Variants in WNK1 observed in about 807,000 individuals in gnomAD.
WNK1 encodes the protein serine/threonine-protein kinase WNK1.
WNK1 carries 38 observed loss-of-function variants against 222.8 expected under a neutral mutation model. The ratio of observed to expected loss-of-function variants is 0.17; its 90% CI spans 0.13 to 0.22. WNK1 has a LOEUF of 0.22. WNK1 is among the 10% of genes least tolerant of loss of function. The pLI is 1.00. For missense variants in WNK1, 2,348 were observed against 2,918.4 expected (o/e 0.80, Z 4.50); for synonymous variants, 1,090 against 1,092.9 (o/e 1.00, Z 0.05).
At chr12:810,796 T>A (rs1406090093) in intron 1 of WNK1, among the ~76,000 whole-genome samples, 3 of 152,172 alleles carry the variant, frequency 2.0e-5, no homozygotes, top group Non-Finnish European at 4.4e-5. Context: ...CAGAAGAAAT[T>A]ACATCAGTGG....
chr12:755,744 A>G (rs1172672575), intron 1 of WNK1, among the ~76,000 whole-genome samples: 5 of 152,216 alleles, frequency 3.3e-5, no homozygotes, highest in African/African-American at 9.6e-5. Context: ...TGGGAGGCCA[A>G]GGCGGGTGGA....
At chr12:907,346 T>C (rs1292091598) in intron 26 of WNK1, among the ~76,000 whole-genome samples, 1 of 147,780 alleles carries the variant, frequency 6.8e-6, no homozygotes, top group Non-Finnish European at 1.5e-5. Context: ...GGCTAAAGAA[T>C]GTGGCAGTGT....
At chr12:785,554 C>T (rs998940801) in intron 1 of WNK1, among the ~76,000 whole-genome samples, 3 of 152,030 alleles carry the variant, frequency 2.0e-5, no homozygotes, top group East Asian at 1.9e-4. Context: ...CCCGCCACCA[C>T]GCCCAGCTAA....
At chr12:804,417 T>G (rs1209105832) in intron 1 of WNK1, among the ~76,000 whole-genome samples, 1 of 133,730 alleles carries the variant, frequency 7.5e-6, no homozygotes, top group East Asian at 2.0e-4. Flanking sequence ...AAACTGAAAG[T>G]TTTTTTTTTT....
At chr12:816,710 C>T (rs1357774013) in intron 2 of WNK1, among the ~76,000 whole-genome samples, 1 of 152,104 alleles carries the variant, frequency 6.6e-6, no homozygotes, top group Non-Finnish European at 1.5e-5. Flanking sequence ...GGAAAGAAAA[C>T]TCCCGGGGAC....
At chr12:904,303 C>T (rs1955518194) in intron 26 of WNK1, 1 of 457,708 alleles carries the variant, frequency 2.2e-6, no homozygotes, top group Non-Finnish European at 4.0e-6. Flanking sequence ...TTCTGTAGAA[C>T]TATATCTGTT....
chr12:886,302 A>C (rs1047588114), intron 19 of WNK1, among the ~76,000 whole-genome samples: 5 of 152,204 alleles, frequency 3.3e-5, no homozygotes, highest in African/African-American at 1.2e-4. Context: ...ATTATGCTGC[A>C]CAGTTTTCCA....
chr12:908,861 G>GGGGGGGGGCC lies in WNK1; in HGVS notation c.*69_*70insGGGGGGGGCC. 2.0e-6 allele frequency: 1 copy of GGGGGGGGGCC among 491,842 alleles called. No individual in the cohort carries two copies. 30.5% of individuals were successfully genotyped at this position (491,842 alleles called of 1,614,324 possible). A position where few individuals can be genotyped will look rare whatever the true frequency, so the allele number is the denominator to read the frequency against. The stretch of plus-strand genomic sequence containing the variant: ...ATGCTGAGGGGGTGGGTGGGGGTGG[G>GGGGGGGGGCC]AAGTAGCCTATATACTAACTACTAG... On this transcript the variant is annotated 3_prime_UTR_variant, in exon 28 of 28. Coordinates refer to ENST00000315939, the MANE Select transcript of WNK1 (RefSeq NM_018979.4).
intron 1 of WNK1, among the ~76,000 whole-genome samples, chr12:776,987 G>A (rs1246961741): frequency 6.6e-6 from 1 of 152,084 alleles, no homozygotes; most frequent in Non-Finnish European, 1.5e-5. Flanking sequence ...TAAAAAGACT[G>A]TACTAAATGA....
chr12:865,180 T>C lies in WNK1; in HGVS notation c.2139+2910T>C, dbSNP rs72649839. The C allele has an allele frequency of 3.4e-6, 5 of 1,489,036 alleles. No homozygotes were observed. In the Admixed American group the frequency reaches 1.1e-4, roughly 32 times the overall value. 92.2% of individuals were successfully genotyped at this position (1,489,036 alleles called of 1,614,324 possible). ...CTGTTGCCTCTGTGTCCCGCATCTCTCCCAGTGCTCTTCCACCCCACCGCC... is the reference window on the plus strand; with the variant it reads ...CTGTTGCCTCTGTGTCCCGCATCTCCCCCAGTGCTCTTCCACCCCACCGCC... On this transcript the variant is annotated intron_variant, in intron 8 of 27. Coordinates refer to ENST00000315939, the MANE Select transcript of WNK1 (RefSeq NM_018979.4).
chr12:908,965 C>T lies in WNK1; in HGVS notation c.*173C>T. The T allele has an allele frequency of 1.3e-6, 1 of 742,230 alleles. No individual in the cohort carries two copies. Among genetic ancestry groups the T allele is most frequent in the Non-Finnish European group, 2.2e-6 (1 of 457,002 alleles). The allele number at this position is 742,230 out of a possible 1,614,324, so 46.0% of individuals were successfully genotyped here. On this transcript the variant is annotated 3_prime_UTR_variant, in exon 28 of 28. Transcript: ENST00000315939. ...TTGAGCCCTCAGAATGGAGAGTCTC[C>T]CCCGCTCCAGTTATTGGAATGGGAG...
chr12:848,604 G>A (rs1234698375), intron 4 of WNK1, among the ~76,000 whole-genome samples: 1 of 133,760 alleles, frequency 7.5e-6, no homozygotes, highest in African/African-American at 2.8e-5. Context: ...TTATCTTTGT[G>A]TTAAGAGCCC....
In WNK1 at chr12:879,622, C is replaced by T. The variant is rs991871911; in HGVS notation, c.2423C>T (p.Pro808Leu). ...ACTATCCAAGGCGAACCTCAGATCCCAGTTGCGACACAACCCTCGGTTGTT... is the reference window on the plus strand; with the variant it reads ...ACTATCCAAGGCGAACCTCAGATCCTAGTTGCGACACAACCCTCGGTTGTT... ...VPTIQGEPQI[P>L]VATQPSVVPV... The change falls in exon 11 of 28, where the codon CCA becomes CTA. Residue 808 changes from proline to leucine, a missense_variant. Transcript: ENST00000315939. 1.2e-6 allele frequency: 2 copies of T among 1,612,472 alleles called. No homozygotes were observed. The highest frequency in any genetic ancestry group is 2.2e-5 in the East Asian group (1 of 44,832).
rs543234465 is a variant in WNK1 at position 802,453 on chromosome 12, G to C, written c.760-11189G>C. Among the ~76,000 whole-genome samples, 14 of 152,312 alleles carry C rather than the reference G, an allele frequency of 9.2e-5. 1 individual carries two copies. The highest frequency in any genetic ancestry group is 3.1e-4 in the African/African-American group (13 of 41,570). On this transcript the variant is annotated intron_variant, in intron 1 of 27. Transcript: ENST00000315939. Reference sequence around the variant, plus strand: ...GAGTTTGACTTCCACTTGTGTGTCAGACAGCGGGGTCATAAACAGTAGGTT... The same window carrying C: ...GAGTTTGACTTCCACTTGTGTGTCACACAGCGGGGTCATAAACAGTAGGTT...
chr12:875,254 A>T (rs1002256385), intron 9 of WNK1, among the ~76,000 whole-genome samples: 6 of 152,208 alleles, frequency 3.9e-5, no homozygotes, highest in African/African-American at 1.4e-4. Flanking sequence ...CAAAGATAAC[A>T]TGGGAATTCT....
rs910977336 is a variant in WNK1, at chr12:909,110, C to T, written c.*318C>T. ...TCTTGTTCATAAGGAAGCTGGAGAA[C>T]TCAATGTAAAATCAAACCCATCTGT... On this transcript the variant is annotated 3_prime_UTR_variant, in exon 28 of 28. Coordinates refer to ENST00000315939, the MANE Select transcript of WNK1 (RefSeq NM_018979.4). The T allele has an allele frequency of 2.3e-5, 8 of 349,528 alleles. No individual in the cohort carries two copies. The highest frequency in any genetic ancestry group is 2.2e-5 in the Non-Finnish European group (4 of 185,554). The allele number at this position is 349,528 out of a possible 1,614,324, so 21.7% of individuals were successfully genotyped here.
At chr12:852,673 C>T (rs1950503523) in intron 4 of WNK1, among the ~76,000 whole-genome samples, 1 of 152,074 alleles carries the variant, frequency 6.6e-6, no homozygotes, top group African/African-American at 2.4e-5. Context: ...TTTGTTCTGT[C>T]TGGTGCTTAA....
At chr12:865,121 C>T in intron 8 of WNK1, 3 of 1,520,506 alleles carry the variant, frequency 2.0e-6, no homozygotes, top group Non-Finnish European at 2.6e-6. Context: ...CTCGTCGTGG[C>T]CGTAGCATGT....
chr12:792,155 A>G (rs1436329986), intron 1 of WNK1, among the ~76,000 whole-genome samples: 9 of 152,166 alleles, frequency 5.9e-5, no homozygotes, highest in Admixed American at 5.9e-4. Flanking sequence ...TTTTGAAGGA[A>G]GAAGCCACAT....
Sources: gnomAD v4.1 joint callset for allele counts (sites outside exome capture counted in the v4.1 genomes callset) on GRCh38, gnomAD v4.1.1 for gene constraint, MANE v1.5 for transcripts, NCBI Gene and HGNC (gene_info 2026-07-23, HGNC 2026-07-21) for gene names.